LRFN1: variants seen among roughly 807,000 people sequenced by gnomAD.
LRFN1 encodes the protein leucine rich repeat and fibronectin type III domain containing 1, also known as leucine-rich repeat and fibronectin type III domain-containing protein 1.
A neutral mutation model predicts 31.8 loss-of-function variants in LRFN1; 20 were observed. The observed-to-expected ratio is 0.63, with a 90% CI of 0.44 to 0.91. LRFN1 has a LOEUF of 0.91. LRFN1 is among the 40% of genes least tolerant of loss of function. LRFN1 has a pLI of 0.00. For missense variants in LRFN1, 912 were observed against 1,129.8 expected (o/e 0.81, Z 2.76); for synonymous variants, 514 against 541.3 (o/e 0.95, Z 0.70).
At chr19:39,313,906 C>G (rs763436167) in intron 4 of LRFN1, 25 bp downstream of exon 4, 4 of 1,564,422 alleles carry the variant, frequency 2.6e-6, no homozygotes, top group Non-Finnish European at 3.5e-6. Context: ...GGAGGAGGCC[C>G]TGGGACTGCA....
chr19:39,308,310 AGGCGACGATGACGCCCCCGAT>A lies in LRFN1; in HGVS notation c.1618_1638del (p.Ile540_Ala546del). 2 of 1,613,324 alleles carry A rather than the reference AGGCGACGATGACGCCCCCGAT, an allele frequency of 1.2e-6. No individual in the cohort carries two copies. Among genetic ancestry groups the A allele is most frequent in the Non-Finnish European group, 1.7e-6 (2 of 1,179,694 alleles). On this transcript the variant is annotated inframe_deletion, in exon 5 of 5. Coordinates refer to ENST00000248668, the MANE Select transcript of LRFN1 (RefSeq NM_020862.2). The surrounding 1 kb of genome is among the most constrained non-coding windows in gnomAD (Gnocchi z 6.2). ...AGCAGAACGATGAAGACGAGGACCG[AGGCGACGATGACGCCCCCGAT>A]GGCGATGATCATGGTGCCGCCCAAG...
chr19:39,317,976 G>T (rs901353487), intron 2 of LRFN1, among the ~76,000 whole-genome samples: 4 of 151,962 alleles, frequency 2.6e-5, no homozygotes, highest in African/African-American at 9.7e-5. Flanking sequence ...TAAATGCAGG[G>T]GTCATTTCAT....
At chr19:39,320,357 C>T (rs1209200327) in intron 1 of LRFN1, among the ~76,000 whole-genome samples, 1 of 151,374 alleles carries the variant, frequency 6.6e-6, no homozygotes, top group Non-Finnish European at 1.5e-5. Flanking sequence ...GACACCCGAG[C>T]GGGCACACCC....
Position 39,307,642 on chromosome 19 carries a change from A to G in LRFN1, c.2307T>C (p.Ser769=), listed in dbSNP as rs1259849165. 3.5e-6 allele frequency: 5 copies of G among 1,433,494 alleles called. No homozygotes were observed. Among genetic ancestry groups the G allele is most frequent in the South Asian group, 1.4e-5 (1 of 69,566 alleles). 88.8% of individuals were successfully genotyped at this position (1,433,494 alleles called of 1,614,324 possible). ...AFTSTEWMLE[S]TV Reference sequence around the variant, plus strand: ...GGCGCCCGCCCGCCGCTCACACGGTACTCTCCAGCATCCACTCGGTGCTGG... The same window carrying G: ...GGCGCCCGCCCGCCGCTCACACGGTGCTCTCCAGCATCCACTCGGTGCTGG... The change falls in exon 5 of 5, where the codon AGT becomes AGC. Residue 769 remains serine, a synonymous_variant. Transcript: ENST00000248668. The surrounding 1 kb of genome is among the most constrained non-coding windows in gnomAD (Gnocchi z 6.7).
In LRFN1 at chr19:39,314,512, G is replaced by A. The variant is rs766080025; in HGVS notation, c.825C>T (p.Cys275=). Residue 275 remains cysteine, a synonymous_variant, in exon 4 of 5, where the codon TGC becomes TGT. Transcript: ENST00000248668. ...RLTREDDLET[C]ATPEHLTDRY... is the part of the protein sequence containing the mutation. Reference sequence around the variant, plus strand: ...GGTCGGTGAGGTGTTCGGGCGTGGCGCAGGTCTCTAAGTCGTCCTCGCGGG... The same window carrying A: ...GGTCGGTGAGGTGTTCGGGCGTGGCACAGGTCTCTAAGTCGTCCTCGCGGG... 4 of 1,610,072 alleles carry A rather than the reference G, an allele frequency of 2.5e-6. No individual in the cohort carries two copies. The highest frequency in any genetic ancestry group is 2.7e-5 in the African/African-American group (2 of 74,892).
chr19:39,309,501 AAAAAAAC>A (rs2075143665), intron 4 of LRFN1, among the ~76,000 whole-genome samples: 1 of 148,538 alleles, frequency 6.7e-6, no homozygotes, highest in African/African-American at 2.5e-5. Flanking sequence ...AAAAAAAAAA[AAAAAAAC>A]CATCTAGCTT....
chr19:39,313,394 G>C (rs541431877), intron 4 of LRFN1, among the ~76,000 whole-genome samples: 1 of 152,192 alleles, frequency 6.6e-6, no homozygotes, highest in Non-Finnish European at 1.5e-5. Flanking sequence ...AGCTGGGTGT[G>C]TTGGTGGGTA....
At chr19:39,318,904 C>T (rs1414749743) in intron 1 of LRFN1, among the ~76,000 whole-genome samples, 1 of 152,214 alleles carries the variant, frequency 6.6e-6, no homozygotes, top group Non-Finnish European at 1.5e-5. Flanking sequence ...GGGCACTTGG[C>T]CTGGCATATG....
rs1385670529 is a variant in LRFN1, at chr19:39,315,652, C to A, written c.-37-279G>T. Among the ~76,000 whole-genome samples, 3 of 152,024 alleles carry A rather than the reference C, an allele frequency of 2.0e-5. No individual in the cohort carries two copies. Among genetic ancestry groups the A allele is most frequent in the Non-Finnish European group, 4.4e-5 (3 of 68,012 alleles). Reference sequence around the variant, plus strand: ...TGGCCAACATGGTGAAACCCCGTCTCTACTAAAAATACAAAAATTAGCTGG... The same window carrying A: ...TGGCCAACATGGTGAAACCCCGTCTATACTAAAAATACAAAAATTAGCTGG... On this transcript the variant is annotated intron_variant, in intron 3 of 4. Transcript: ENST00000248668. This position sits in a 1 kb window ranked among gnomAD's most constrained non-coding sequence, Gnocchi z 4.7.
Position 39,315,049 on chromosome 19 carries a change from G to A in LRFN1, c.288C>T (p.Leu96=). 2 of 1,595,876 alleles carry A rather than the reference G, an allele frequency of 1.3e-6. No individual in the cohort carries two copies. The highest frequency in any genetic ancestry group is 2.2e-5 in the East Asian group (1 of 44,760). ...ANMTSLVHLT[L]SRNTIGQVAA... ...CCACCTGGCCGATGGTGTTCCGGGA[G>A]AGAGTGAGGTGCACCAGGCTGGTCA... Residue 96 remains leucine, a synonymous_variant, in exon 4 of 5, where the codon CTC becomes CTT. Coordinates refer to ENST00000248668, the MANE Select transcript of LRFN1 (RefSeq NM_020862.2). This position sits in a 1 kb window ranked among gnomAD's most constrained non-coding sequence, Gnocchi z 4.7.
rs776635148 is a variant in LRFN1 at position 39,308,376 on chromosome 19, G to A, written c.1573C>T (p.Arg525Cys). ...FTTAGDPAPCRPLRAHFLGGT... is the reference protein window; with the variant it reads ...FTTAGDPAPCCPLRAHFLGGT... ...CCCAAGAAATGGGCCCTCAGCGGGCGGCAGGGCGCCGGATCCCCAGCGGTG... is the reference window on the plus strand; with the variant it reads ...CCCAAGAAATGGGCCCTCAGCGGGCAGCAGGGCGCCGGATCCCCAGCGGTG... Residue 525 changes from arginine to cysteine, a missense_variant, in exon 5 of 5, where the codon CGC (arginine) becomes TGC (cysteine). Coordinates refer to ENST00000248668, the MANE Select transcript of LRFN1 (RefSeq NM_020862.2). This position sits in a 1 kb window ranked among gnomAD's most constrained non-coding sequence, Gnocchi z 6.2. 4 of 1,611,582 alleles carry A rather than the reference G, an allele frequency of 2.5e-6. No individual in the cohort carries two copies. Among genetic ancestry groups the A allele is most frequent in the African/African-American group, 1.3e-5 (1 of 74,802 alleles).
Position 39,313,955 on chromosome 19 carries a change from G to A in LRFN1, c.1382C>T (p.Ser461Phe), listed in dbSNP as rs1412718720. The A allele has an allele frequency of 1.3e-6, 2 of 1,594,846 alleles. No homozygotes were observed. Among genetic ancestry groups the A allele is most frequent in the East Asian group, 2.3e-5 (1 of 44,436 alleles). Residue 461 changes from serine (S) to phenylalanine (F), a missense_variant, in exon 4 of 5, where the codon TCC (serine) becomes TTC (phenylalanine). Transcript: ENST00000248668. ...CCTGTAGACGAGGGAGTCATCAACG[G>A]AACTGTTGTACTGAACCTGGTACAT... is the stretch of plus-strand genomic sequence containing the variant. Reference protein sequence around the residue: ...IRMYQVQYNSSVDDSLVYRMI... With the variant: ...IRMYQVQYNSFVDDSLVYRMI...
intron 4 of LRFN1, among the ~76,000 whole-genome samples, chr19:39,313,196 T>C (rs2075156995): frequency 6.6e-6 from 1 of 152,202 alleles, no homozygotes; most frequent in Non-Finnish European, 1.5e-5. Flanking sequence ...ATGTACCCAA[T>C]GTGTTGGTTC....
chr19:39,319,412 C>A (rs2075181139), intron 1 of LRFN1, among the ~76,000 whole-genome samples: 1 of 149,052 alleles, frequency 6.7e-6, no homozygotes, highest in African/African-American at 2.6e-5. Flanking sequence ...TGATACAGCA[C>A]CACGCTAACA....
rs2075168268 is a variant in LRFN1, at chr19:39,315,287, G to A, written c.50C>T (p.Ala17Val). The change falls in exon 4 of 5, where the codon GCC becomes GTC. Residue 17 changes from alanine to valine, a missense_variant. This residue lies in a region of LRFN1 where 401 missense variants were observed against 572.7 expected (regional missense o/e 0.70). Transcript: ENST00000248668. This position sits in a 1 kb window ranked among gnomAD's most constrained non-coding sequence, Gnocchi z 4.7. ...SSALLSPPPA[A>V]LPFLLLLWAG... ...CCAGAGCAGCAGCAGAAAGGGCAGG[G>A]CAGCGGGCGGCGGCGAGAGGAGGGC... 11 of 1,506,748 alleles carry A rather than the reference G, an allele frequency of 7.3e-6. 1 individual carries two copies. The Middle Eastern group carries it at 7.6e-4, about 104-fold the overall frequency. 93.3% of individuals were successfully genotyped at this position (1,506,748 alleles called of 1,614,324 possible). A position where few individuals can be genotyped will look rare whatever the true frequency, so the allele number is the denominator to read the frequency against.
chr19:39,314,459 T>C lies in LRFN1; in HGVS notation c.878A>G (p.Glu293Gly). 1 of 1,610,062 alleles carries C rather than the reference T, an allele frequency of 6.2e-7. No homozygotes were observed. The highest frequency in any genetic ancestry group is 8.5e-7 in the Non-Finnish European group (1 of 1,179,076). ...DRYFWSIPEE[E>G]FLCEPPLITR... is the part of the protein sequence containing the mutation. ...GATCAGCGGGGGCTCACACAGGAAC[T>C]CCTCCTCGGGGATGGACCAGAAGTA... The change falls in exon 4 of 5, where the codon GAG (glutamate) becomes GGG (glycine). Residue 293 changes from glutamate (E) to glycine (G), a missense_variant. Transcript: ENST00000248668.
At chr19:39,313,389 G>A (rs1436569732) in intron 4 of LRFN1, among the ~76,000 whole-genome samples, 1 of 152,138 alleles carries the variant, frequency 6.6e-6, no homozygotes, top group Non-Finnish European at 1.5e-5. Flanking sequence ...AACTTAGCTG[G>A]GTGTGTTGGT....
At position 39,306,652 on chromosome 19, in the gene LRFN1, G is replaced by C. The variant is rs1367744092; in HGVS notation, c.*981C>G. The C allele has an allele frequency of 1.3e-5, 2 of 151,178 alleles. No homozygotes were observed. The highest frequency in any genetic ancestry group is 4.9e-5 in the African/African-American group (2 of 41,048). The allele number at this position is 151,178 out of a possible 1,614,324, so 9.4% of individuals were successfully genotyped here. On this transcript the variant is annotated 3_prime_UTR_variant, in exon 5 of 5. Coordinates refer to ENST00000248668, the MANE Select transcript of LRFN1 (RefSeq NM_020862.2). ...AAAAGCCTGTCTGCCAGTCTCCTCCGGCCCCAGTTAGTCATCTTCCCATCT... is the reference window on the plus strand; with the variant it reads ...AAAAGCCTGTCTGCCAGTCTCCTCCCGCCCCAGTTAGTCATCTTCCCATCT...
rs913993576 is a variant in LRFN1, at chr19:39,315,291, C to T, written c.46G>A (p.Ala16Thr). 3.3e-6 allele frequency: 5 copies of T among 1,497,482 alleles called. No individual in the cohort carries two copies. The highest frequency in any genetic ancestry group is 2.8e-5 in the African/African-American group (2 of 72,428). The allele number at this position is 1,497,482 out of a possible 1,614,324, so 92.8% of individuals were successfully genotyped here. A position where few individuals can be genotyped will look rare whatever the true frequency, so the allele number is the denominator to read the frequency against. ...AGCAGCAGCAGAAAGGGCAGGGCAGCGGGCGGCGGCGAGAGGAGGGCCGAG... is the reference window on the plus strand; with the variant it reads ...AGCAGCAGCAGAAAGGGCAGGGCAGTGGGCGGCGGCGAGAGGAGGGCCGAG... ...FSSALLSPPP[A>T]ALPFLLLLWA... The change falls in exon 4 of 5, where the codon GCT becomes ACT. Residue 16 changes from alanine to threonine, a missense_variant. Transcript: ENST00000248668. The surrounding 1 kb of genome is among the most constrained non-coding windows in gnomAD (Gnocchi z 4.7).
Sources: gnomAD v4.1 joint callset for allele counts (sites outside exome capture counted in the v4.1 genomes callset) on GRCh38, gnomAD v4.1.1 for gene constraint, gnomAD v4.1.1 regional missense constraint, Gnocchi (gnomAD v3.1) non-coding constraint, MANE v1.5 for transcripts, NCBI Gene and HGNC (gene_info 2026-07-23, HGNC 2026-07-21) for gene names.